The following SNX32 variants were observed in gnomAD, a reference collection of about 807,000 sequenced individuals.
The protein encoded by SNX32 is sorting nexin-32.
SNX32 carries 58 observed loss-of-function variants against 57.0 expected under a neutral mutation model. The observed-to-expected ratio is 1.02, with a 90% CI of 0.82 to 1.27. The LOEUF is 1.27. SNX32 is among the 50% of genes most tolerant of loss of function. SNX32 has a pLI of 0.00. For synonymous variants in SNX32, 262 were observed against 220.4 expected, an observed-to-expected ratio of 1.19 and a Z score of -1.67; for missense variants, 589 against 541.2, an observed-to-expected ratio of 1.09 and a Z score of -0.88.
intron 1 of SNX32, among the ~76,000 whole-genome samples, chr11:65,836,024 A>C (rs773470858): frequency 3.9e-5 from 6 of 152,088 alleles, no homozygotes; most frequent in Non-Finnish European, 5.9e-5. Context: ...GTTAGCTATT[A>C]TATTATTATT....
At chr11:65,848,190 G>C (rs2134696905) in intron 1 of SNX32, among the ~76,000 whole-genome samples, 1 of 152,292 alleles carries the variant, frequency 6.6e-6, no homozygotes, top group South Asian at 2.1e-4. Context: ...TGAGAGGTGG[G>C]ACAGGTGCCT....
Position 65,850,734 on chromosome 11 carries a change from C to T in SNX32, c.499-17C>T. On this transcript the variant is annotated splice_polypyrimidine_tract_variant and intron_variant, in intron 5 of 12. Transcript: ENST00000308342. ...AGAACGCCCACCCCAGCATCATACC[C>T]TCCCTGTGTGCCTCAGCTGAGTGTC... 1.9e-6 allele frequency: 3 copies of T among 1,611,788 alleles called. No homozygotes were observed. The highest frequency in any genetic ancestry group is 2.5e-6 in the Non-Finnish European group (3 of 1,178,138).
At chr11:65,834,125 A>G (rs966011405) in intron 1 of SNX32, 24 bp downstream of exon 1, 1 of 1,549,746 alleles carries the variant, frequency 6.5e-7, no homozygotes, top group Non-Finnish European at 8.7e-7. Context: ...GAAGACCCCC[A>G]CCCCAGCCTC....
Position 65,851,111 on chromosome 11 carries a change from T to A in SNX32, c.660T>A (p.Arg220=), listed in dbSNP as rs1448533716. The part of the protein sequence containing the change: ...ERTFLLEYHT[R]IRDACLRADR... ...CCTTCCTGTTGGAGTATCACACCCGTATCCGAGATGCCTGCCTGCGGGCCG... is the reference window on the plus strand; with the variant it reads ...CCTTCCTGTTGGAGTATCACACCCGAATCCGAGATGCCTGCCTGCGGGCCG... Residue 220 remains arginine, a synonymous_variant, in exon 7 of 13, where the codon CGT becomes CGA. Transcript: ENST00000308342. 1.2e-6 allele frequency: 2 copies of A among 1,613,794 alleles called. No individual in the cohort carries two copies. Among genetic ancestry groups the A allele is most frequent in the Non-Finnish European group, 1.7e-6 (2 of 1,179,998 alleles).
chr11:65,852,902 T>C lies in SNX32; in HGVS notation c.1102T>C (p.Ser368Pro). The C allele has an allele frequency of 6.2e-7, 1 of 1,614,066 alleles. No individual in the cohort carries two copies. ...ELMDFKSRRV[S>P]SFRKNLIELA... ...CATGGACTTCAAGTCCCGCCGGGTC[T>C]CCTCTTTTCGAAAGAATCTCATTGA... Residue 368 changes from serine to proline, a missense_variant, in exon 12 of 13, where the codon TCC becomes CCC. Coordinates refer to ENST00000308342, the MANE Select transcript of SNX32 (RefSeq NM_152760.3).
intron 5 of SNX32, 79 bp downstream of exon 5, chr11:65,850,633 G>T (rs1859151490): frequency 1.9e-6 from 3 of 1,558,968 alleles, no homozygotes. Flanking sequence ...GGGTGGCAGG[G>T]CTGGAGAAGG....
At chr11:65,834,987 G>A (rs1565243608) in intron 1 of SNX32, among the ~76,000 whole-genome samples, 1 of 150,694 alleles carries the variant, frequency 6.6e-6, no homozygotes, top group African/African-American at 2.4e-5. Context: ...ATGTCGTTGT[G>A]TGTGTCTGTG....
chr11:65,842,946 T>C, intron 1 of SNX32, among the ~76,000 whole-genome samples: 1 of 86,752 alleles, frequency 1.2e-5, no homozygotes, highest in African/African-American at 5.0e-5. Context: ...CGAAACTCCA[T>C]CTCAAAAAAA....
In SNX32 at chr11:65,850,538, TGGAATATGGACA is replaced by T. The variant is rs1434962131; in HGVS notation, c.486_497del (p.Glu162_Gln165del). ...CGAGACCACAACTTCTTTGTGTTTT[TGGAATATGGACA>T]GGATGTGAGCTGGGCCGAATCCCTG... On this transcript the variant is annotated inframe_deletion, in exon 5 of 13. Coordinates refer to ENST00000308342, the MANE Select transcript of SNX32 (RefSeq NM_152760.3). 2 of 1,610,576 alleles carry T rather than the reference TGGAATATGGACA, an allele frequency of 1.2e-6. No individual in the cohort carries two copies. Among genetic ancestry groups the T allele is most frequent in the Non-Finnish European group, 1.7e-6 (2 of 1,178,382 alleles).
At position 65,840,951 on chromosome 11, in the gene SNX32, T is replaced by C. The variant is rs552469362; in HGVS notation, c.36+6850T>C. On this transcript the variant is annotated intron_variant, in intron 1 of 12. Transcript: ENST00000308342. ...TATGGTTTTTTTTTCTTTCTTTCTT[T>C]CTTTTTTTTCTGAGATGGAGTTTCA... 7.2e-5 allele frequency among the ~76,000 whole-genome samples: 11 copies of C among 152,218 alleles called. No homozygotes were observed. The East Asian group carries it at 2.1e-3, about 29-fold the overall frequency.
At chr11:65,837,825 A>AAAG (rs1858710520) in intron 1 of SNX32, among the ~76,000 whole-genome samples, 1 of 150,878 alleles carries the variant, frequency 6.6e-6, no homozygotes, top group East Asian at 1.9e-4. Context: ...CTCAAAAAAA[A>AAAG]AAAAAAAAAA....
chr11:65,835,559 G>T (rs1398189625), intron 1 of SNX32: 2 of 152,320 alleles, frequency 1.3e-5, no homozygotes, highest in Non-Finnish European at 2.9e-5. Context: ...GCATGGAGAG[G>T]TGCACCCTTT....
intron 1 of SNX32, among the ~76,000 whole-genome samples, chr11:65,848,001 G>A (rs1859049577): frequency 1.3e-5 from 2 of 152,186 alleles, no homozygotes. Context: ...GGACAGCCAG[G>A]AGGAGGGGAC....
In SNX32 at chr11:65,840,754, A is replaced by T. The variant is rs183621362; in HGVS notation, c.36+6653A>T. On this transcript the variant is annotated intron_variant, in intron 1 of 12. Coordinates refer to ENST00000308342, the MANE Select transcript of SNX32 (RefSeq NM_152760.3). ...GGGAGTTCAAGGCTGCCATGAGCCA[A>T]GATGGCACTACCACACTCCATCCTG... Among the ~76,000 whole-genome samples the T allele has an allele frequency of 3.6e-3, 550 of 151,970 alleles. 2 individuals carry two copies. Among genetic ancestry groups the T allele is most frequent in the Non-Finnish European group, 6.5e-3 (444 of 67,946 alleles).
chr11:65,838,938 C>T (rs1449803036), intron 1 of SNX32, among the ~76,000 whole-genome samples: 8 of 151,678 alleles, frequency 5.3e-5, no homozygotes, highest in Admixed American at 3.3e-4. Flanking sequence ...TATGACATAT[C>T]GAAACTCATA....
chr11:65,849,805 C>T (rs1859110276), intron 2 of SNX32, 115 bp from the exon 3 acceptor site: 17 of 861,050 alleles, frequency 2.0e-5, no homozygotes, highest in Non-Finnish European at 2.9e-5. Context: ...CACCTGAGCT[C>T]TAACTTTGTC....
At chr11:65,851,198 C>G (rs1859179734) in intron 7 of SNX32, 38 bp downstream of exon 7, 1 of 1,603,852 alleles carries the variant, frequency 6.2e-7, no homozygotes, top group South Asian at 1.1e-5. Context: ...CCCCCTGCCC[C>G]TCTCCCCAGC....
intron 1 of SNX32, among the ~76,000 whole-genome samples, chr11:65,839,810 AGGAATGCAAGGT>A (rs1858791049): frequency 6.6e-6 from 1 of 152,064 alleles, no homozygotes; most frequent in Non-Finnish European, 1.5e-5. Flanking sequence ...GCCTTCTTCC[AGGAATGCAAGGT>A]GGTTTAACAT....
rs181649600 is a variant in SNX32 at position 65,845,370 on chromosome 11, G to A, written c.37-4108G>A. On this transcript the variant is annotated intron_variant, in intron 1 of 12. Coordinates refer to ENST00000308342, the MANE Select transcript of SNX32 (RefSeq NM_152760.3). The stretch of plus-strand genomic sequence containing the variant: ...GGAGAATGGCATGAACCCGGGAGGC[G>A]GAGGTTGCAGTGAGCTGAGATCGTG... Among the ~76,000 whole-genome samples, 144 of 151,376 alleles carry A rather than the reference G, an allele frequency of 9.5e-4. 1 individual carries two copies. Among genetic ancestry groups the A allele is most frequent in the Non-Finnish European group, 9.2e-4 (62 of 67,744 alleles).
Sources: gnomAD v4.1 joint callset for allele counts (sites outside exome capture counted in the v4.1 genomes callset) on GRCh38, gnomAD v4.1.1 for gene constraint, MANE v1.5 for transcripts, NCBI Gene and HGNC (gene_info 2026-07-23, HGNC 2026-07-21) for gene names.